The following DST variants were observed in gnomAD, a reference collection of about 807,000 sequenced individuals.
DST encodes the protein dystonin, also known as bullous pemphigoid antigen.
Under a neutral mutation model 875.2 loss-of-function variants are expected in DST, and 253 were observed. That is an observed-to-expected ratio of 0.29 (90% confidence interval 0.26 to 0.32). DST has a LOEUF of 0.32. Ranked by LOEUF, DST falls within the 10% of genes least tolerant of loss-of-function variation. The pLI, the probability that DST is intolerant of heterozygous loss-of-function variation, is 1.00. For synonymous variants in DST, 3,124 were observed against 3,197.1 expected (o/e 0.98, Z 0.77); for missense variants, 8,287 against 9,111.6 (o/e 0.91, Z 3.68).
chr6:56,507,650 G>T (rs1235870396), intron 75 of DST, among the ~76,000 whole-genome samples: 1 of 152,182 alleles, frequency 6.6e-6, no homozygotes, highest in Admixed American at 6.6e-5. Context: ...AGGCACTGAC[G>T]CTAGAAAGAG....
At chr6:56,725,118 T>C (rs891565543) in intron 5 of DST, among the ~76,000 whole-genome samples, 8 of 152,154 alleles carry the variant, frequency 5.3e-5, no homozygotes, top group African/African-American at 1.9e-4. Flanking sequence ...GTCATACTAC[T>C]AGAAAATAGT....
intron 2 of DST, among the ~76,000 whole-genome samples, chr6:56,915,279 G>C (rs1394787477): frequency 6.6e-6 from 1 of 152,100 alleles, no homozygotes; most frequent in Non-Finnish European, 1.5e-5. Context: ...CAAGAACTTA[G>C]GAAATATAAA....
At chr6:56,532,245 G>T in intron 64 of DST, 99 bp downstream of exon 64, 1 of 1,100,608 alleles carries the variant, frequency 9.1e-7, no homozygotes. Flanking sequence ...ATAAACATAG[G>T]AAAATCATGA....
chr6:56,783,424 T>A (rs944738068), intron 4 of DST, among the ~76,000 whole-genome samples: 16 of 152,232 alleles, frequency 1.1e-4, no homozygotes, highest in African/African-American at 3.4e-4. Flanking sequence ...TGGGTGCATA[T>A]ATATTTAGGA....
rs1449087187 is a variant in DST, at chr6:56,670,822, A to C, written c.1048-15T>G. The stretch of plus-strand genomic sequence containing the variant: ...ATATCAGATATCTAGATATAACAGA[A>C]AGTGTTAAACCTTTAGGAAGGAAGG... On this transcript the variant is annotated splice_polypyrimidine_tract_variant and intron_variant, in intron 9 of 103. Transcript: ENST00000680361. 1 of 1,567,046 alleles carries C rather than the reference A, an allele frequency of 6.4e-7. No homozygotes were observed. The highest frequency in any genetic ancestry group is 8.6e-7 in the Non-Finnish European group (1 of 1,156,340).
intron 58 of DST, 90 bp downstream of exon 58, chr6:56,560,204 C>T: frequency 1.6e-6 from 2 of 1,220,694 alleles, no homozygotes; most frequent in East Asian, 2.7e-5. Flanking sequence ...AAATAAGTGA[C>T]TGTTGAATGT....
rs777845800 is a variant in DST, at chr6:56,555,458, T to C, written c.15023A>G (p.Gln5008Arg). The change falls in exon 60 of 104, where the codon CAG becomes CGG. Residue 5008 changes from glutamine (Q) to arginine (R), a missense_variant. Gln to Arg is a conservative substitution (Grantham distance 43). Transcript: ENST00000680361. ...QQEKKQIKVA[Q>R]ALCEDLSALV... ...TGCTGACAAATCCTCACAGAGTGCC[T>C]GGGCCACTTTTATCTGCTTCTTTTC... 1 of 1,614,032 alleles carries C rather than the reference T, an allele frequency of 6.2e-7. No individual in the cohort carries two copies. The highest frequency in any genetic ancestry group is 8.5e-7 in the Non-Finnish European group (1 of 1,179,890).
intron 3 of DST, among the ~76,000 whole-genome samples, chr6:56,884,410 T>C (rs555522968): frequency 6.6e-6 from 1 of 152,326 alleles, no homozygotes; most frequent in South Asian, 2.1e-4. Flanking sequence ...ACCTGTATTT[T>C]ATGTAAATCT....
At chr6:56,720,493 T>A (rs1224843582) in intron 5 of DST, among the ~76,000 whole-genome samples, 5 of 152,080 alleles carry the variant, frequency 3.3e-5, no homozygotes, top group African/African-American at 4.8e-5. Context: ...TAGGCAGAGG[T>A]CCCTGCGGCC....
At chr6:56,617,956 G>A in intron 36 of DST, 3 of 1,570,472 alleles carry the variant, frequency 1.9e-6, no homozygotes, top group Non-Finnish European at 2.6e-6. Context: ...ACATTAGGTA[G>A]CTGATAAGGT....
At chr6:56,617,067 T>C in intron 36 of DST, 2 of 1,614,056 alleles carry the variant, frequency 1.2e-6, no homozygotes, top group Non-Finnish European at 1.7e-6. Context: ...GTGGCTTTCG[T>C]CAGAAACTTG....
At chr6:56,773,904 G>C (rs1360904467) in intron 4 of DST, among the ~76,000 whole-genome samples, 2 of 151,962 alleles carry the variant, frequency 1.3e-5, no homozygotes, top group Non-Finnish European at 2.9e-5. Flanking sequence ...GATCATTTGA[G>C]GTCAGGAGTT....
intron 7 of DST, among the ~76,000 whole-genome samples, chr6:56,703,327 G>A (rs1366865566): frequency 6.6e-6 from 1 of 152,092 alleles, no homozygotes; most frequent in African/African-American, 2.4e-5. Context: ...TAGCAGACTT[G>A]TAAAATTTCC....
At chr6:56,792,806 G>A (rs533230926) in intron 4 of DST, among the ~76,000 whole-genome samples, 57 of 152,234 alleles carry the variant, frequency 3.7e-4, no homozygotes, top group African/African-American at 1.2e-3. Context: ...GGTAGCTCAC[G>A]CCTCTAGCCC....
At chr6:56,684,889 G>A (rs565271584) in intron 9 of DST, among the ~76,000 whole-genome samples, 1 of 152,176 alleles carries the variant, frequency 6.6e-6, no homozygotes, top group East Asian at 1.9e-4. Flanking sequence ...CATTTTCAGA[G>A]GAAGATACCG....
chr6:56,650,055 C>A (rs1252687016), intron 12 of DST, among the ~76,000 whole-genome samples: 1 of 151,960 alleles, frequency 6.6e-6, no homozygotes, highest in Admixed American at 6.6e-5. Context: ...GAGCATGAAG[C>A]CTTTGAAAAG....
At chr6:56,882,818 C>A (rs754494074) in intron 3 of DST, among the ~76,000 whole-genome samples, 2 of 152,134 alleles carry the variant, frequency 1.3e-5, no homozygotes, top group Admixed American at 6.6e-5. Flanking sequence ...GACCAGCTAT[C>A]GTTTAAATTT....
In DST at chr6:56,594,171, G is replaced by A. The variant is rs1277292455; in HGVS notation, c.12218C>T (p.Ser4073Phe). 1.3e-6 allele frequency: 2 copies of A among 1,535,780 alleles called. No homozygotes were observed. Among genetic ancestry groups the A allele is most frequent in the Non-Finnish European group, 1.7e-6 (2 of 1,147,068 alleles). Reference sequence around the variant, plus strand: ...GGCTATGATCACTGCTTGGTGCTGAGAGATGATCTTCTCGTGTTGGGCCTA... The same window carrying A: ...GGCTATGATCACTGCTTGGTGCTGAAAGATGATCTTCTCGTGTTGGGCCTA... ...KVKAQHEKIISQHQAVIIATQ... is the reference protein window; with the variant it reads ...KVKAQHEKIIFQHQAVIIATQ... Residue 4073 changes from serine (S) to phenylalanine (F), a missense_variant, in exon 48 of 104, where the codon TCT (serine) becomes TTT (phenylalanine). This residue lies in a region of DST where 1,513 missense variants were observed against 1,677.8 expected (regional missense o/e 0.90). Coordinates refer to ENST00000680361, the MANE Select transcript of DST (RefSeq NM_001374736.1).
chr6:56,874,049 A>G (rs1778567529), intron 3 of DST, among the ~76,000 whole-genome samples: 1 of 152,208 alleles, frequency 6.6e-6, no homozygotes. Context: ...ACAAGGCTGT[A>G]GTATACTTTA....
Sources: gnomAD v4.1 joint callset for allele counts (sites outside exome capture counted in the v4.1 genomes callset) on GRCh38, gnomAD v4.1.1 for gene constraint, gnomAD v4.1.1 regional missense constraint, MANE v1.5 for transcripts, NCBI Gene and HGNC (gene_info 2026-07-23, HGNC 2026-07-21) for gene names.